Variants in FAM120A observed in about 807,000 individuals in gnomAD.
FAM120A encodes the protein constitutive coactivator of PPAR-gamma-like protein 1.
FAM120A carries 15 observed loss-of-function variants against 109.7 expected under a neutral mutation model. That is an observed-to-expected ratio of 0.14 (90% CI 0.09 to 0.21). The LOEUF is 0.21. Among genes scored for constraint, FAM120A ranks in the 10% least tolerant of loss-of-function variants. FAM120A has a pLI of 1.00. For synonymous variants in FAM120A, 493 were observed against 572.8 expected (o/e 0.86, Z 1.99); for missense variants, 899 against 1,439.3 (o/e 0.62, Z 6.07).
chr9:93,533,942 T>C (rs1200041229), intron 10 of FAM120A, among the ~76,000 whole-genome samples: 4 of 152,234 alleles, frequency 2.6e-5, no homozygotes, highest in African/African-American at 7.2e-5. Context: ...TCAGGTTGAA[T>C]AGGAACAGGC....
Position 93,536,884 on chromosome 9 carries a change from C to A in FAM120A, c.1909+4555C>A, listed in dbSNP as rs139926766. 3.6e-3 allele frequency among the ~76,000 whole-genome samples: 545 copies of A among 152,306 alleles called. 3 individuals carry two copies. Among genetic ancestry groups the A allele is most frequent in the African/African-American group, 0.012 (509 of 41,566 alleles). On this transcript the variant is annotated intron_variant, in intron 10 of 17. Coordinates refer to ENST00000277165, the MANE Select transcript of FAM120A (RefSeq NM_014612.5). ...TCTATAATTTCACTTTTAGGAAATT[C>A]AGAAGAATATTTGCTTATCATGGCA...
chr9:93,489,374 A>ATTCCCTGTT (rs936610202), intron 3 of FAM120A, among the ~76,000 whole-genome samples: 6 of 152,180 alleles, frequency 3.9e-5, no homozygotes, highest in African/African-American at 1.4e-4. Context: ...CATGACAGGT[A>ATTCCCTGTT]TTCCCCCAAG....
chr9:93,494,810 G>C (rs1402541623), intron 3 of FAM120A, among the ~76,000 whole-genome samples: 1 of 152,164 alleles, frequency 6.6e-6, no homozygotes, highest in Non-Finnish European at 1.5e-5. Flanking sequence ...CCCTCAAGCA[G>C]GGGGTTTGGA....
chr9:93,485,018 C>G (rs527631312), intron 3 of FAM120A, among the ~76,000 whole-genome samples: 16 of 152,242 alleles, frequency 1.1e-4, no homozygotes, highest in Non-Finnish European at 2.4e-4. Flanking sequence ...TCTAACCAGG[C>G]TTTCTCCATC....
intron 3 of FAM120A, among the ~76,000 whole-genome samples, chr9:93,488,323 G>A (rs563121400): frequency 4.6e-5 from 7 of 152,058 alleles, no homozygotes; most frequent in African/African-American, 1.2e-4. Flanking sequence ...TCAAGACCAT[G>A]GATGGCTGTG....
In FAM120A at chr9:93,532,436, C is replaced by A; in HGVS notation, c.1909+107C>A. 7.6e-7 allele frequency: 1 copy of A among 1,307,938 alleles called. No homozygotes were observed. The highest frequency in any genetic ancestry group is 1.1e-6 in the Non-Finnish European group (1 of 911,558). The allele number at this position is 1,307,938 out of a possible 1,614,324, so 81.0% of individuals were successfully genotyped here. On this transcript the variant is annotated intron_variant, in intron 10 of 17. Transcript: ENST00000277165. This position sits in a 1 kb window ranked among gnomAD's most constrained non-coding sequence, Gnocchi z 4.3. ...ATGACTGAGTTGACCCCGAGTGCCTCTGTGTAAAGGAGGTGGGCCCATCAT... is the reference window on the plus strand; with the variant it reads ...ATGACTGAGTTGACCCCGAGTGCCTATGTGTAAAGGAGGTGGGCCCATCAT...
intron 1 of FAM120A, among the ~76,000 whole-genome samples, chr9:93,462,454 G>A (rs903991002): frequency 8.5e-5 from 13 of 152,270 alleles, no homozygotes; most frequent in African/African-American, 3.1e-4. Flanking sequence ...GCTAATTTTT[G>A]TATTTTTAGT....
At chr9:93,477,241 C>G (rs1303191087) in intron 3 of FAM120A, among the ~76,000 whole-genome samples, 1 of 152,168 alleles carries the variant, frequency 6.6e-6, no homozygotes, top group Non-Finnish European at 1.5e-5. Context: ...AGTTTTTCTT[C>G]CTACATTTTA....
chr9:93,550,792 T>A, intron 12 of FAM120A, 101 bp downstream of exon 12: 1 of 790,144 alleles, frequency 1.3e-6, no homozygotes, highest in Non-Finnish European at 2.1e-6. Flanking sequence ...TTCTTTAAAC[T>A]AATTGCTTTA....
At chr9:93,464,480 A>G (rs1249124085) in intron 1 of FAM120A, among the ~76,000 whole-genome samples, 3 of 152,190 alleles carry the variant, frequency 2.0e-5, no homozygotes, top group East Asian at 1.9e-4. Flanking sequence ...ACAGGGAGGA[A>G]GAAGCTGAGA....
chr9:93,494,591 T>G (rs984971673), intron 3 of FAM120A, among the ~76,000 whole-genome samples: 1 of 152,180 alleles, frequency 6.6e-6, no homozygotes, highest in Non-Finnish European at 1.5e-5. Context: ...CACAATTTCT[T>G]GGTCGGGCAG....
chr9:93,541,436 G>A (rs558471917), intron 10 of FAM120A, among the ~76,000 whole-genome samples: 1 of 152,216 alleles, frequency 6.6e-6, no homozygotes, highest in African/African-American at 2.4e-5. Flanking sequence ...TCGGGGTGGG[G>A]GCAGTGCCTT....
At chr9:93,529,063 G>A (rs1306389598) in intron 8 of FAM120A, among the ~76,000 whole-genome samples, 2 of 152,202 alleles carry the variant, frequency 1.3e-5, no homozygotes. Flanking sequence ...TGCCGTATCT[G>A]CAGAGGGACT....
At chr9:93,506,712 C>G (rs1860076438) in intron 5 of FAM120A, among the ~76,000 whole-genome samples, 1 of 152,082 alleles carries the variant, frequency 6.6e-6, no homozygotes, top group African/African-American at 2.4e-5. Flanking sequence ...ATTCTCCTGC[C>G]TCAGCCTCCC....
At chr9:93,537,402 G>A (rs139366167) in intron 10 of FAM120A, among the ~76,000 whole-genome samples, 10 of 152,302 alleles carry the variant, frequency 6.6e-5, no homozygotes, top group Admixed American at 4.6e-4. Flanking sequence ...GTAAAGCTCA[G>A]TGATTCGCAC....
intron 7 of FAM120A, among the ~76,000 whole-genome samples, chr9:93,518,310 C>A (rs1307731432): frequency 5.3e-5 from 8 of 152,104 alleles, no homozygotes; most frequent in African/African-American, 1.7e-4. Flanking sequence ...AGACAGTGTT[C>A]ATGATTTTCA....
intron 15 of FAM120A, among the ~76,000 whole-genome samples, chr9:93,560,040 T>C (rs117318261): frequency 0.013 from 1,913 of 152,318 alleles, 17 homozygotes; most frequent in Middle Eastern, 0.037. Flanking sequence ...ATGCCTATAA[T>C]CTCAGCATTT....
intron 1 of FAM120A, among the ~76,000 whole-genome samples, chr9:93,466,277 T>C (rs566791333): frequency 6.6e-6 from 1 of 152,256 alleles, no homozygotes; most frequent in African/African-American, 2.4e-5. Context: ...CCCCCTTCAT[T>C]TAATCATTTA....
chr9:93,529,599 T>C lies in FAM120A; in HGVS notation c.1734+19T>C. On this transcript the variant is annotated intron_variant, in intron 9 of 17. Transcript: ENST00000277165. ...GACGAAGGTATTATCAAAGGGGCCC[T>C]GGAGTGGCTTCTGTTATTTGATGAG... The C allele has an allele frequency of 1.2e-6, 2 of 1,607,334 alleles. No homozygotes were observed. Among genetic ancestry groups the C allele is most frequent in the Non-Finnish European group, 8.5e-7 (1 of 1,173,858 alleles).
Sources: allele counts gnomAD v4.1 joint callset (sites outside exome capture counted in the v4.1 genomes callset), GRCh38; gene constraint gnomAD v4.1.1; non-coding constraint Gnocchi (gnomAD v3.1); transcripts MANE v1.5; gene names NCBI Gene and HGNC (gene_info 2026-07-23, HGNC 2026-07-21).